Variants in COL19A1 observed in about 807,000 individuals in gnomAD.
COL19A1 encodes collagen alpha-1(XIX) chain.
A neutral mutation model predicts 190.2 loss-of-function variants in COL19A1; 159 were observed. That is an observed-to-expected ratio of 0.84 (90% CI 0.73 to 0.95). COL19A1 has a LOEUF of 0.95. Ranked by LOEUF, COL19A1 falls within the 40% of genes least tolerant of loss-of-function variation. The probability of loss-of-function intolerance (pLI) is 0.00; values close to 1 mark genes in which losing one functional copy is unlikely to be tolerated. For synonymous variants in COL19A1, 509 were observed against 458.9 expected (o/e 1.11, Z -1.39); for missense variants, 1,418 against 1,431.9 (o/e 0.99, Z 0.16).
chr6:70,113,655 G>C (rs1479255227), intron 16 of COL19A1, among the ~76,000 whole-genome samples: 1 of 151,968 alleles, frequency 6.6e-6, no homozygotes, highest in African/African-American at 2.4e-5. Flanking sequence ...TGCTGGTTGA[G>C]ATTGTTAACT....
chr6:70,007,338 T>C (rs1192821006), intron 11 of COL19A1, among the ~76,000 whole-genome samples: 1 of 152,050 alleles, frequency 6.6e-6, no homozygotes, highest in East Asian at 1.9e-4. Context: ...ACAAGAGATA[T>C]GGATGAGATT....
In COL19A1 at chr6:70,152,078, G is replaced by A. The variant is rs974940615; in HGVS notation, c.2079+640G>A. 2.0e-5 allele frequency among the ~76,000 whole-genome samples: 3 copies of A among 151,848 alleles called. No individual in the cohort carries two copies. In the South Asian group the frequency reaches 6.2e-4, roughly 32 times the overall value. On this transcript the variant is annotated intron_variant, in intron 31 of 50. Coordinates refer to ENST00000620364, the MANE Select transcript of COL19A1 (RefSeq NM_001858.6). ...TTTATCAGTAAAACAGGTAGGGGGG[G>A]ATGATAATGGCACATATGTAAGGGT...
intron 15 of COL19A1, among the ~76,000 whole-genome samples, chr6:70,099,105 C>T (rs1384039060): frequency 6.6e-6 from 1 of 151,008 alleles, no homozygotes. Flanking sequence ...AGAGATTGTG[C>T]CCTGCCTGGA....
intron 2 of COL19A1, among the ~76,000 whole-genome samples, chr6:69,893,699 GAA>G (rs1769520455): frequency 6.6e-6 from 1 of 152,150 alleles, no homozygotes; most frequent in Non-Finnish European, 1.5e-5. Flanking sequence ...ACATTCTATA[GAA>G]AATTCTTTCT....
chr6:70,000,300 G>A (rs1777182159), intron 11 of COL19A1, among the ~76,000 whole-genome samples: 1 of 152,122 alleles, frequency 6.6e-6, no homozygotes, highest in Non-Finnish European at 1.5e-5. Context: ...CCATCACTTT[G>A]CTACTGTAAG....
intron 11 of COL19A1, among the ~76,000 whole-genome samples, chr6:69,964,546 A>G (rs1009052910): frequency 3.3e-5 from 5 of 152,284 alleles, no homozygotes; most frequent in Admixed American, 6.5e-5. Flanking sequence ...GTTTATATAC[A>G]TAGCTGGTAT....
chr6:69,909,481 A>C (rs922741569), intron 4 of COL19A1, among the ~76,000 whole-genome samples: 1 of 152,134 alleles, frequency 6.6e-6, no homozygotes, highest in Non-Finnish European at 1.5e-5. Flanking sequence ...AATATCTTGA[A>C]GACTATGGGA....
At chr6:70,143,805 A>T (rs371751091) in intron 23 of COL19A1, among the ~76,000 whole-genome samples, 4 of 152,056 alleles carry the variant, frequency 2.6e-5, no homozygotes, top group Admixed American at 2.6e-4. Context: ...AGACTAAGTG[A>T]TAGTGGCCAG....
chr6:70,189,069 G>A (rs1188857118), intron 47 of COL19A1, among the ~76,000 whole-genome samples: 1 of 152,166 alleles, frequency 6.6e-6, no homozygotes, highest in African/African-American at 2.4e-5. Context: ...GTTCATTAAT[G>A]AAATAGAGCA....
intron 14 of COL19A1, among the ~76,000 whole-genome samples, chr6:70,059,574 G>A (rs1252909782): frequency 2.6e-5 from 4 of 152,168 alleles, no homozygotes; most frequent in African/African-American, 9.6e-5. Flanking sequence ...GTAACACATT[G>A]TAATAGCTAT....
Position 70,167,950 on chromosome 6 carries a change from T to C in COL19A1, c.2446-75T>C, listed in dbSNP as rs555292411. ...AAAATAGAATAGGAATAGTATCATTTGGTAAAATGATAAAATGTAGAGATG... is the reference window on the plus strand; with the variant it reads ...AAAATAGAATAGGAATAGTATCATTCGGTAAAATGATAAAATGTAGAGATG... On this transcript the variant is annotated intron_variant, in intron 37 of 50. Coordinates refer to ENST00000620364, the MANE Select transcript of COL19A1 (RefSeq NM_001858.6). 327 of 1,112,788 alleles carry C rather than the reference T, an allele frequency of 2.9e-4. 2 individuals carry two copies. In the South Asian group the frequency reaches 4.8e-3, roughly 16 times the overall value. The allele number at this position is 1,112,788 out of a possible 1,614,324, so 68.9% of individuals were successfully genotyped here. A position where few individuals can be genotyped will look rare whatever the true frequency, so the allele number is the denominator to read the frequency against.
At chr6:70,125,693 A>T (rs1045178273) in intron 17 of COL19A1, among the ~76,000 whole-genome samples, 2 of 152,216 alleles carry the variant, frequency 1.3e-5, no homozygotes, top group Non-Finnish European at 2.9e-5. Flanking sequence ...GGATTTTTGC[A>T]TGCCTACTTA....
chr6:69,898,229 T>C (rs920831685), intron 2 of COL19A1, among the ~76,000 whole-genome samples: 1 of 152,196 alleles, frequency 6.6e-6, no homozygotes, highest in Non-Finnish European at 1.5e-5. Context: ...AATTCAAAAA[T>C]TGGCTGTAAT....
intron 32 of COL19A1, 33 bp downstream of exon 32, chr6:70,156,264 G>T: frequency 6.2e-7 from 1 of 1,613,160 alleles, no homozygotes; most frequent in Non-Finnish European, 8.5e-7. Flanking sequence ...TACGATCCCT[G>T]TGGGTTACAT....
At chr6:70,046,173 A>C (rs1490529400) in intron 14 of COL19A1, among the ~76,000 whole-genome samples, 1 of 152,198 alleles carries the variant, frequency 6.6e-6, no homozygotes, top group Admixed American at 6.5e-5. Context: ...CCTTCAAAAA[A>C]TATCTAGAAT....
At chr6:69,874,075 G>A (rs1767990273) in intron 1 of COL19A1, among the ~76,000 whole-genome samples, 1 of 152,204 alleles carries the variant, frequency 6.6e-6, no homozygotes, top group Non-Finnish European at 1.5e-5. Flanking sequence ...GGAAGGAAAT[G>A]TGGCAAGTTT....
intron 4 of COL19A1, among the ~76,000 whole-genome samples, chr6:69,921,784 ATGTAGATTCGTATATGTATATTCG>A (rs1330993296): frequency 7.3e-5 from 11 of 150,110 alleles, no homozygotes; most frequent in African/African-American, 2.5e-4. Context: ...GTATATTCGT[ATGTAGATTCGTATATGTATATTCG>A]TATGTAGATT....
chr6:70,029,870 G>C (rs1435143240), intron 12 of COL19A1, among the ~76,000 whole-genome samples: 1 of 152,112 alleles, frequency 6.6e-6, no homozygotes, highest in African/African-American at 2.4e-5. Flanking sequence ...ACTTGAACTT[G>C]AAAAGTAAAA....
intron 2 of COL19A1, among the ~76,000 whole-genome samples, chr6:69,883,720 TTTG>T (rs1305795394): frequency 1.3e-5 from 2 of 152,178 alleles, no homozygotes; most frequent in Non-Finnish European, 2.9e-5. Context: ...CCCATTTGTT[TTTG>T]TATTACCCAA....
Sources: gnomAD v4.1 joint callset for allele counts (sites outside exome capture counted in the v4.1 genomes callset) on GRCh38, gnomAD v4.1.1 for gene constraint, MANE v1.5 for transcripts, NCBI Gene and HGNC (gene_info 2026-07-23, HGNC 2026-07-21) for gene names.